Variants in WSCD1 observed in about 807,000 individuals in gnomAD.
WSCD1 encodes the protein sialate:O-sulfotransferase 1.
A neutral mutation model predicts 60.4 loss-of-function variants in WSCD1; 41 were observed. The ratio of observed to expected loss-of-function variants is 0.68; its 90% CI spans 0.53 to 0.88. The LOEUF (loss-of-function observed/expected upper bound fraction) is 0.88, where lower values mean the gene tolerates loss of function less well. WSCD1 is among the 40% of genes least tolerant of loss of function. WSCD1 has a pLI of 0.00. For synonymous variants in WSCD1, 361 were observed against 332.5 expected (o/e 1.09, Z -0.93); for missense variants, 784 against 796.2 (o/e 0.98, Z 0.18).
At chr17:6,117,874 C>T in intron 7 of WSCD1, 114 bp from the exon 8 acceptor site, 1 of 1,075,872 alleles carries the variant, frequency 9.3e-7, no homozygotes, top group Non-Finnish European at 1.4e-6. Flanking sequence ...TCTGTGTCTT[C>T]CATGGGCCCT....
intron 2 of WSCD1, among the ~76,000 whole-genome samples, chr17:6,086,274 T>TATATATAC (rs1171616404): frequency 6.9e-6 from 1 of 145,708 alleles, no homozygotes; most frequent in East Asian, 2.0e-4. Flanking sequence ...TATATATATA[T>TATATATAC]ACTTATGTAC....
intron 5 of WSCD1, among the ~76,000 whole-genome samples, chr17:6,105,342 A>T (rs578213398): frequency 6.6e-6 from 1 of 151,930 alleles, no homozygotes; most frequent in Non-Finnish European, 1.5e-5. Flanking sequence ...TCCCAAATCT[A>T]TCTTCTCACT....
In WSCD1 at chr17:6,120,443, A is replaced by T; in HGVS notation, c.1510A>T (p.Met504Leu). 6.2e-7 allele frequency: 1 copy of T among 1,613,956 alleles called. No individual in the cohort carries two copies. The highest frequency in any genetic ancestry group is 2.2e-5 in the East Asian group (1 of 44,874). The change falls in exon 9 of 9, where the codon ATG becomes TTG. Residue 504 changes from methionine (M) to leucine (L), a missense_variant. Coordinates refer to ENST00000317744, the MANE Select transcript of WSCD1 (RefSeq NM_015253.2). Reference sequence around the variant, plus strand: ...CAGCCTGGTGCCCACGTTACGGGAGATGGTGGCCTTCCTCAACGTGTCTGT... The same window carrying T: ...CAGCCTGGTGCCCACGTTACGGGAGTTGGTGGCCTTCCTCAACGTGTCTGT... ...RRSLVPTLRE[M>L]VAFLNVSVSE...
chr17:6,114,625 T>C (rs1911596640), intron 7 of WSCD1, among the ~76,000 whole-genome samples: 2 of 152,044 alleles, frequency 1.3e-5, no homozygotes, highest in African/African-American at 4.8e-5. Context: ...ATAAAGAAGA[T>C]GTACACTTAT....
rs1909188560 is a variant in WSCD1 at position 6,080,761 on chromosome 17, C to T, written c.103C>T (p.Leu35=). ...AYLMTGSLLL[L]QRVRVALPQG... is the part of the protein sequence containing the mutation. ...CCTGATGACCGGCAGCCTGCTGCTG[C>T]TGCAGCGGGTCCGCGTGGCTCTCCC... is the stretch of plus-strand genomic sequence containing the variant. Residue 35 remains leucine, a synonymous_variant, in exon 2 of 9, where the codon CTG becomes TTG. Transcript: ENST00000317744. This position sits in a 1 kb window ranked among gnomAD's most constrained non-coding sequence, Gnocchi z 6.6. 5 of 1,612,394 alleles carry T rather than the reference C, an allele frequency of 3.1e-6. No homozygotes were observed. The highest frequency in any genetic ancestry group is 2.7e-5 in the African/African-American group (2 of 74,928).
chr17:6,106,394 A>G (rs1432906839), intron 5 of WSCD1, among the ~76,000 whole-genome samples: 3 of 152,248 alleles, frequency 2.0e-5, no homozygotes, highest in Non-Finnish European at 4.4e-5. Flanking sequence ...AAACCAGTGC[A>G]TTCTTGGATG....
chr17:6,120,734 G>A lies in WSCD1; in HGVS notation c.*73G>A. 1.3e-6 allele frequency: 2 copies of A among 1,490,268 alleles called. No individual in the cohort carries two copies. The highest frequency in any genetic ancestry group is 9.1e-7 in the Non-Finnish European group (1 of 1,104,930). 92.3% of individuals were successfully genotyped at this position (1,490,268 alleles called of 1,614,324 possible). ...ACGGGGCTGCGCTCCCCACTCTGAT[G>A]CTCAGGCCCGTGGCCTCACTGGGAC... On this transcript the variant is annotated 3_prime_UTR_variant, in exon 9 of 9. Transcript: ENST00000317744.
intron 5 of WSCD1, among the ~76,000 whole-genome samples, chr17:6,095,566 C>T (rs1457801454): frequency 1.3e-5 from 2 of 152,192 alleles, no homozygotes; most frequent in Non-Finnish European, 1.5e-5. Flanking sequence ...TTGGGGATAG[C>T]TGATGGATTT....
At chr17:6,086,821 C>CCCTTGCCCTCACGGAGCATCCAGG (rs1461145321) in intron 2 of WSCD1, among the ~76,000 whole-genome samples, 1 of 152,206 alleles carries the variant, frequency 6.6e-6, no homozygotes, top group African/African-American at 2.4e-5. Flanking sequence ...GAGACAGTCT[C>CCCTTGCCCTCACGGAGCATCCAGG]CCTTGCCCTC....
intron 1 of WSCD1, among the ~76,000 whole-genome samples, chr17:6,077,665 C>T (rs1381307982): frequency 1.3e-5 from 2 of 152,204 alleles, no homozygotes; most frequent in Non-Finnish European, 2.9e-5. Context: ...CCACTCCTCA[C>T]CCCAGCCCTA....
At chr17:6,090,551 C>T (rs751791897) in intron 4 of WSCD1, 46 bp downstream of exon 4, 23 of 1,594,672 alleles carry the variant, frequency 1.4e-5, no homozygotes, top group African/African-American at 9.4e-5. Context: ...CTGTCCCACC[C>T]GCTCTGGCTG....
chr17:6,098,169 A>G (rs948426425), intron 5 of WSCD1, among the ~76,000 whole-genome samples: 6 of 150,098 alleles, frequency 4.0e-5, no homozygotes, highest in Non-Finnish European at 7.4e-5. Context: ...GGGGGGTCTC[A>G]CCAAGTTGCC....
rs1909251727 is a variant in WSCD1 at position 6,081,216 on chromosome 17, G to A, written c.427+131G>A. ...GATGGTTCTTTCCTTCTGCTCTGCA[G>A]GACAGGAAGGGGCCTGCGATGCGAA... On this transcript the variant is annotated intron_variant, in intron 2 of 8. Transcript: ENST00000317744. 5.2e-6 allele frequency: 6 copies of A among 1,143,320 alleles called. No individual in the cohort carries two copies. The Admixed American group carries it at 1.5e-4, about 28-fold the overall frequency. The allele number at this position is 1,143,320 out of a possible 1,614,324, so 70.8% of individuals were successfully genotyped here.
chr17:6,107,826 T>C (rs1911182696), intron 5 of WSCD1, among the ~76,000 whole-genome samples: 1 of 152,206 alleles, frequency 6.6e-6, no homozygotes, highest in South Asian at 2.1e-4. Context: ...GGAAACTTGC[T>C]TCTGGAAAAG....
At chr17:6,100,288 G>T (rs1315369356) in intron 5 of WSCD1, among the ~76,000 whole-genome samples, 1 of 152,166 alleles carries the variant, frequency 6.6e-6, no homozygotes, top group Non-Finnish European at 1.5e-5. Flanking sequence ...GGATCCTTCT[G>T]GGATACAGCA....
chr17:6,109,275 G>A lies in WSCD1; in HGVS notation c.850-332G>A, dbSNP rs1911269426. Among the ~76,000 whole-genome samples, 3 of 152,074 alleles carry A rather than the reference G, an allele frequency of 2.0e-5. 1 individual carries two copies. The South Asian group carries it at 6.2e-4, about 31-fold the overall frequency. ...AAATGCCTTGGAATCTCAAAAACAT[G>A]ATTCCAGCCTCTGCCCCCTGCTTTC... On this transcript the variant is annotated intron_variant, in intron 5 of 8. Transcript: ENST00000317744.
rs1169908096 is a variant in WSCD1 at position 6,092,105 on chromosome 17, A to G, written c.727+1600A>G. 2.7e-5 allele frequency among the ~76,000 whole-genome samples: 4 copies of G among 150,896 alleles called. No homozygotes were observed. In the South Asian group the frequency reaches 6.4e-4, roughly 24 times the overall value. On this transcript the variant is annotated intron_variant, in intron 4 of 8. Transcript: ENST00000317744. ...GGAGGCGGAGGTTGCAGTGAGCCAA[A>G]ATCATGCCATTGTACTCCAGCCTGG...
At chr17:6,115,000 G>A (rs936054691) in intron 7 of WSCD1, among the ~76,000 whole-genome samples, 3 of 152,134 alleles carry the variant, frequency 2.0e-5, no homozygotes, top group African/African-American at 7.2e-5. Flanking sequence ...CTTCATGCAT[G>A]TTCCTGCAAA....
rs1904833705 is a variant in WSCD1, at chr17:6,123,619, T to TA, written c.*2959dup. Reference sequence around the variant, plus strand: ...AGAGGAGAAGTGCTGAGGTTGATGTTACGACTGCAAGAATTCTTGGGACAC... The same window carrying TA: ...AGAGGAGAAGTGCTGAGGTTGATGTTAACGACTGCAAGAATTCTTGGGACAC... On this transcript the variant is annotated 3_prime_UTR_variant, in exon 9 of 9. Transcript: ENST00000317744. The TA allele has an allele frequency of 6.6e-6, 1 of 152,198 alleles. No individual in the cohort carries two copies. The highest frequency in any genetic ancestry group is 2.4e-5 in the African/African-American group (1 of 41,450). 9.4% of individuals were successfully genotyped at this position (152,198 alleles called of 1,614,324 possible). A position where few individuals can be genotyped will look rare whatever the true frequency, so the allele number is the denominator to read the frequency against.
Sources: gnomAD v4.1 joint callset for allele counts (sites outside exome capture counted in the v4.1 genomes callset) on GRCh38, gnomAD v4.1.1 for gene constraint, Gnocchi (gnomAD v3.1) non-coding constraint, MANE v1.5 for transcripts, NCBI Gene and HGNC (gene_info 2026-07-23, HGNC 2026-07-21) for gene names.